Variants in PTPRD observed in about 807,000 individuals in gnomAD.
The protein encoded by PTPRD is receptor-type tyrosine-protein phosphatase delta.
Under a neutral mutation model 214.5 loss-of-function variants are expected in PTPRD, and 34 were observed. The ratio of observed to expected loss-of-function variants is 0.16; its 90% confidence interval spans 0.12 to 0.21. The LOEUF is 0.21. Ranked by LOEUF, PTPRD falls within the 10% of genes least tolerant of loss-of-function variation. The probability of loss-of-function intolerance (pLI) is 1.00; values close to 1 mark genes in which losing one functional copy is unlikely to be tolerated. For missense variants in PTPRD, 2,545 were observed against 2,398.7 expected (o/e 1.06, Z -1.27); for synonymous variants, 1,128 against 845.7 (o/e 1.33, Z -5.79).
At chr9:10,048,630 A>G (rs1413381454) in intron 3 of PTPRD, among the ~76,000 whole-genome samples, 1 of 152,064 alleles carries the variant, frequency 6.6e-6, no homozygotes, top group Non-Finnish European at 1.5e-5. Flanking sequence ...TGGGGGAAAA[A>G]AATCTTCGAG....
chr9:10,350,487 T>C (rs1190064601), intron 2 of PTPRD, among the ~76,000 whole-genome samples: 1 of 152,132 alleles, frequency 6.6e-6, no homozygotes, highest in Non-Finnish European at 1.5e-5. Flanking sequence ...ATTAAGCATT[T>C]ACTTTGAGTC....
chr9:10,052,173 T>C (rs535511814), intron 3 of PTPRD, among the ~76,000 whole-genome samples: 26 of 152,240 alleles, frequency 1.7e-4, no homozygotes, highest in Middle Eastern at 3.4e-3. Context: ...CAAACTGTTA[T>C]TATTTACATT....
At chr9:10,230,958 C>T (rs2099607347) in intron 3 of PTPRD, among the ~76,000 whole-genome samples, 1 of 151,936 alleles carries the variant, frequency 6.6e-6, no homozygotes, top group Non-Finnish European at 1.5e-5. Context: ...AGAATCTTAT[C>T]TACTTGAAGT....
intron 14 of PTPRD, among the ~76,000 whole-genome samples, chr9:8,600,522 T>C (rs1258430214): frequency 1.3e-5 from 2 of 151,140 alleles, no homozygotes; most frequent in African/African-American, 2.4e-5. Context: ...TGCTTGAGAA[T>C]AGAAGAGGAA....
chr9:10,313,171 G>A (rs181065633), intron 3 of PTPRD, among the ~76,000 whole-genome samples: 24 of 151,982 alleles, frequency 1.6e-4, no homozygotes, highest in Non-Finnish European at 2.5e-4. Flanking sequence ...GCCTACATAA[G>A]AGCATAACTT....
chr9:10,486,093 G>C (rs1309898032), intron 2 of PTPRD, among the ~76,000 whole-genome samples: 1 of 151,802 alleles, frequency 6.6e-6, no homozygotes, highest in African/African-American at 2.4e-5. Context: ...ACCTTTATCA[G>C]GTGGGTGGAT....
intron 10 of PTPRD, among the ~76,000 whole-genome samples, chr9:9,055,624 G>T (rs752667030): frequency 1.3e-5 from 2 of 151,936 alleles, no homozygotes; most frequent in African/African-American, 2.4e-5. Flanking sequence ...GCCTCAAAAC[G>T]TAGTAAAAGT....
At chr9:10,019,634 G>C (rs183158841) in intron 4 of PTPRD, among the ~76,000 whole-genome samples, 32 of 152,250 alleles carry the variant, frequency 2.1e-4, no homozygotes, top group Admixed American at 2.0e-3. Context: ...GTAGGGACAT[G>C]GATGAAGCTG....
In PTPRD at chr9:8,490,359, A is replaced by G. The variant is rs79111202; in HGVS notation, c.2467+2503T>C. ...TGTGGTTGCCCTTTACTTTTTAGCA[A>G]TTGGAATCATTGGAGATCAACCGAG... On this transcript the variant is annotated intron_variant, in intron 27 of 45. Coordinates refer to ENST00000381196, the MANE Select transcript of PTPRD (RefSeq NM_002839.4). Among the ~76,000 whole-genome samples the G allele has an allele frequency of 2.2e-3, 339 of 152,290 alleles. 4 individuals are homozygous for G. Among genetic ancestry groups the G allele is most frequent in the African/African-American group, 8.0e-3 (331 of 41,558 alleles).
chr9:10,368,003 T>C (rs1322293035), intron 2 of PTPRD, among the ~76,000 whole-genome samples: 1 of 152,096 alleles, frequency 6.6e-6, no homozygotes, highest in African/African-American at 2.4e-5. Context: ...ATTTTTATGT[T>C]TGTTGTATTA....
intron 12 of PTPRD, among the ~76,000 whole-genome samples, chr9:8,732,328 G>A (rs557072873): frequency 1.3e-5 from 2 of 152,242 alleles, no homozygotes; most frequent in East Asian, 3.9e-4. Context: ...CTCTAGCTGT[G>A]ATCTGACATT....
chr9:10,331,553 G>GA (rs769602069), intron 3 of PTPRD, among the ~76,000 whole-genome samples: 2 of 151,804 alleles, frequency 1.3e-5, no homozygotes, highest in Non-Finnish European at 2.9e-5. Context: ...ATTTGGTGCT[G>GA]AAAGTGGAGC....
intron 9 of PTPRD, among the ~76,000 whole-genome samples, chr9:9,375,565 T>C (rs983421670): frequency 6.6e-6 from 1 of 152,012 alleles, no homozygotes; most frequent in Non-Finnish European, 1.5e-5. Flanking sequence ...CACTGCACTC[T>C]AGCCTGGGCA....
intron 6 of PTPRD, among the ~76,000 whole-genome samples, chr9:9,737,361 T>C (rs1011403847): frequency 6.6e-6 from 1 of 152,182 alleles, no homozygotes; most frequent in Non-Finnish European, 1.5e-5. Flanking sequence ...TATATTGATA[T>C]AATTTACATA....
At chr9:9,554,814 T>A (rs2081126149) in intron 8 of PTPRD, among the ~76,000 whole-genome samples, 1 of 152,066 alleles carries the variant, frequency 6.6e-6, no homozygotes, top group South Asian at 2.1e-4. Context: ...GTACATAATG[T>A]CAAGGTATAA....
At chr9:8,545,638 T>A (rs1236262307) in intron 14 of PTPRD, among the ~76,000 whole-genome samples, 1 of 152,198 alleles carries the variant, frequency 6.6e-6, no homozygotes, top group African/African-American at 2.4e-5. Context: ...TCTGAAGTGT[T>A]TGACTATTTT....
chr9:9,099,476 T>G (rs1268837074), intron 10 of PTPRD, among the ~76,000 whole-genome samples: 1 of 152,168 alleles, frequency 6.6e-6, no homozygotes. Flanking sequence ...AAGGCGATAC[T>G]TTTTATGCCT....
At chr9:9,104,642 C>T (rs2099796006) in intron 10 of PTPRD, among the ~76,000 whole-genome samples, 1 of 152,184 alleles carries the variant, frequency 6.6e-6, no homozygotes, top group Non-Finnish European at 1.5e-5. Context: ...GAAACAGGAG[C>T]TTAAAGATAA....
At chr9:10,421,411 T>C (rs2098544677) in intron 2 of PTPRD, among the ~76,000 whole-genome samples, 3 of 151,968 alleles carry the variant, frequency 2.0e-5, no homozygotes, top group Non-Finnish European at 2.9e-5. Flanking sequence ...ATGAAAACCA[T>C]ATCCAGATAG....
Sources: allele counts gnomAD v4.1 joint callset (sites outside exome capture counted in the v4.1 genomes callset), GRCh38; gene constraint gnomAD v4.1.1; transcripts MANE v1.5; gene names NCBI Gene and HGNC (gene_info 2026-07-23, HGNC 2026-07-21).